The following HRNR variants were observed in gnomAD, a reference collection of about 807,000 sequenced individuals.
The protein encoded by HRNR is hornerin.
Under a neutral mutation model 4.8 loss-of-function variants are expected in HRNR, and 7 were observed. The ratio of observed to expected loss-of-function variants is 1.47; its 90% CI spans 0.83 to 2.75. The LOEUF (loss-of-function observed/expected upper bound fraction) is 2.75. Ranked by LOEUF, HRNR falls within the 30% of genes most tolerant of loss-of-function variation. The pLI, the probability that HRNR is intolerant of heterozygous loss-of-function variation, is 0.00. For synonymous variants in HRNR, 1,023 were observed against 1,242.7 expected (o/e 0.82, Z 3.72); for missense variants, 2,879 against 3,010.4 (o/e 0.96, Z 1.02).
rs769051112 is a variant in HRNR, at chr1:152,220,699, G to A, written c.930C>T (p.Val310=). The A allele has an allele frequency of 3.1e-6, 5 of 1,613,204 alleles. No individual in the cohort carries two copies. The Admixed American group carries it at 6.7e-5, about 22-fold the overall frequency. The change falls in exon 3 of 3, where the codon GTC becomes GTT. Residue 310 remains valine, a synonymous_variant. Transcript: ENST00000368801. ...AGTGCCCCGAACCGGACCCATGTCGGACGTGGCTAGGAGACTGGCGAGATC... is the reference window on the plus strand; with the variant it reads ...AGTGCCCCGAACCGGACCCATGTCGAACGTGGCTAGGAGACTGGCGAGATC... The part of the protein sequence containing the change: ...GSGSRQSPSH[V]RHGSGSGHSS...
chr1:152,213,019 G>C lies in HRNR; in HGVS notation c.*57C>G, dbSNP rs372421962. On this transcript the variant is annotated 3_prime_UTR_variant, in exon 3 of 3. Transcript: ENST00000368801. ...GCTTGTCTTTCATGATGAATTCATA[G>C]ATGACTTTCCTATTTCTTAAATTGC... 27 of 1,558,808 alleles carry C rather than the reference G, an allele frequency of 1.7e-5. No homozygotes were observed. Among genetic ancestry groups the C allele is most frequent in the African/African-American group, 6.8e-5 (5 of 73,190 alleles).
At position 152,219,587 on chromosome 1, in the gene HRNR, C is replaced by G. The variant is rs749984101; in HGVS notation, c.2042G>C (p.Gly681Ala). 1.8e-5 allele frequency: 29 copies of G among 1,612,914 alleles called. No individual in the cohort carries two copies. Among genetic ancestry groups the G allele is most frequent in the South Asian group, 2.2e-5 (2 of 90,950 alleles). Reference sequence around the variant, plus strand: ...GCCATTGCTTGAAGACCAACCGGAGCCAGACCCATGTTGGCCGTAGCTGGA... The same window carrying G: ...GCCATTGCTTGAAGACCAACCGGAGGCAGACCCATGTTGGCCGTAGCTGGA... ...HSSSYGQHGS[G>A]SGWSSSNGPH... Residue 681 changes from glycine (G) to alanine (A), a missense_variant, in exon 3 of 3, where the codon GGC (glycine) becomes GCC (alanine). Physicochemically the swap from Gly to Ala is moderately conservative, Grantham distance 60. Around this residue, in one of 8 missense-constraint regions of HRNR, gnomAD observed 2,646 missense variants for 1,377.7 expected, o/e 1.92. Transcript: ENST00000368801.
chr1:152,218,671 A>C lies in HRNR; in HGVS notation c.2958T>G (p.His986Gln). Residue 986 changes from histidine to glutamine, a missense_variant, in exon 3 of 3, where the codon CAT becomes CAG. Physicochemically the swap from His to Gln is conservative, Grantham distance 24. This residue lies in a region of HRNR where 2,646 missense variants were observed against 1,377.7 expected (regional missense o/e 1.92). Transcript: ENST00000368801. ...SSGSSSSYGQ[H>Q]GSGSRQSLGH... Reference sequence around the variant, plus strand: ...CCAAAGACTGACGGGAGCCAGACCCATGCTGACCATAGCTGGAAGACGAAC... The same window carrying C: ...CCAAAGACTGACGGGAGCCAGACCCCTGCTGACCATAGCTGGAAGACGAAC... The C allele has an allele frequency of 6.2e-7, 1 of 1,613,656 alleles. No individual in the cohort carries two copies. Among genetic ancestry groups the C allele is most frequent in the Non-Finnish European group, 8.5e-7 (1 of 1,179,940 alleles).
In HRNR at chr1:152,215,363, C is replaced by A. The variant is rs764194333; in HGVS notation, c.6266G>T (p.Gly2089Val). The change falls in exon 3 of 3, where the codon GGT becomes GTT. Residue 2089 changes from glycine (G) to valine (V), a missense_variant. Gly to Val is a moderately radical substitution (Grantham distance 109). Around this residue, in one of 8 missense-constraint regions of HRNR, gnomAD observed 11 missense variants for 47.5 expected, o/e 0.23. Transcript: ENST00000368801. ...PSYGRHGSGSGRSSSSGQHGP... is the reference protein window; with the variant it reads ...PSYGRHGSGSVRSSSSGQHGP... Reference sequence around the variant, plus strand: ...ATGTTGGCCACTGCTGGAAGACCGACCGGAGCCAGACCCATGTCGGCCATA... The same window carrying A: ...ATGTTGGCCACTGCTGGAAGACCGAACGGAGCCAGACCCATGTCGGCCATA... The A allele has an allele frequency of 3.2e-6, 5 of 1,579,022 alleles. No individual in the cohort carries two copies. Among genetic ancestry groups the A allele is most frequent in the Non-Finnish European group, 4.3e-6 (5 of 1,168,398 alleles).
intron 2 of HRNR, 46 bp from the exon 3 acceptor site, chr1:152,221,536 A>G (rs767021405): frequency 8.6e-6 from 12 of 1,388,216 alleles, no homozygotes; most frequent in South Asian, 1.4e-5. Flanking sequence ...AGTATGGACA[A>G]TACATCTGGC....
In HRNR at chr1:152,212,888, G is replaced by C; in HGVS notation, c.*188C>G. ...AACAAAGTAGCACAAATGCCTAACAGTCTTTGGAAGGAACCCCATAACAAG... is the reference window on the plus strand; with the variant it reads ...AACAAAGTAGCACAAATGCCTAACACTCTTTGGAAGGAACCCCATAACAAG... On this transcript the variant is annotated 3_prime_UTR_variant, in exon 3 of 3. Transcript: ENST00000368801. 1.3e-6 allele frequency: 1 copy of C among 751,634 alleles called. No homozygotes were observed. The highest frequency in any genetic ancestry group is 2.1e-6 in the Non-Finnish European group (1 of 476,928). The allele number at this position is 751,634 out of a possible 1,614,324, so 46.6% of individuals were successfully genotyped here. A position where few individuals can be genotyped will look rare whatever the true frequency, so the allele number is the denominator to read the frequency against.
Position 152,218,413 on chromosome 1 carries a change from A to G in HRNR, c.3216T>C (p.His1072=). 1.2e-6 allele frequency: 2 copies of G among 1,611,434 alleles called. No individual in the cohort carries two copies. Among genetic ancestry groups the G allele is most frequent in the South Asian group, 1.1e-5 (1 of 90,948 alleles). Residue 1072 remains histidine (H), a synonymous_variant, in exon 3 of 3, where the codon CAT becomes CAC. Transcript: ENST00000368801. ...GYGQHGSSSG[H]SSTHGQHGST... Reference sequence around the variant, plus strand: ...AACCGTGTTGCCCATGGGTAGAGGAATGACCTGAGCTAGATCCATGTTGAC... The same window carrying G: ...AACCGTGTTGCCCATGGGTAGAGGAGTGACCTGAGCTAGATCCATGTTGAC...
chr1:152,220,826 G>T lies in HRNR; in HGVS notation c.803C>A (p.Ser268Tyr), dbSNP rs755706849. ...GCTAGATCTGTGTCGTTCACCCCTA[G>T]ATGACTGTCCTGACCTAGAGCCGTG... ...GQHGSRSGQS[S>Y]RGERHRSSSG... The change falls in exon 3 of 3, where the codon TCT becomes TAT. Residue 268 changes from serine (S) to tyrosine (Y), a missense_variant. Ser to Tyr is a moderately radical substitution (Grantham distance 144). Around this residue, in one of 8 missense-constraint regions of HRNR, gnomAD observed 2,646 missense variants for 1,377.7 expected, o/e 1.92. Coordinates refer to ENST00000368801, the MANE Select transcript of HRNR (RefSeq NM_001009931.3). 1.2e-6 allele frequency: 2 copies of T among 1,613,728 alleles called. No individual in the cohort carries two copies. The highest frequency in any genetic ancestry group is 1.3e-5 in the African/African-American group (1 of 74,800).
rs1291397543 is a variant in HRNR at position 152,220,310 on chromosome 1, C to T, written c.1319G>A (p.Gly440Asp). ...GSGSGQSPSS[G>D]QHGTGFGRSS... The stretch of plus-strand genomic sequence containing the variant: ...TCGACCAAAGCCAGTCCCATGTTGG[C>T]CGGAGCTGGGAGACTGCCCTGACCC... Residue 440 changes from glycine (G) to aspartate (D), a missense_variant, in exon 3 of 3, where the codon GGC becomes GAC. Physicochemically the swap from Gly to Asp is moderately conservative, Grantham distance 94 (BLOSUM62 -1). Around this residue, in one of 8 missense-constraint regions of HRNR, gnomAD observed 2,646 missense variants for 1,377.7 expected, o/e 1.92. Transcript: ENST00000368801. 7 of 1,614,074 alleles carry T rather than the reference C, an allele frequency of 4.3e-6. No homozygotes were observed. The South Asian group carries it at 7.7e-5, about 18-fold the overall frequency.
rs1223818789 is a variant in HRNR at position 152,220,419 on chromosome 1, C to A, written c.1210G>T (p.Glu404Ter). 6.2e-7 allele frequency: 1 copy of A among 1,614,088 alleles called. No individual in the cohort carries two copies. The highest frequency in any genetic ancestry group is 1.1e-5 in the South Asian group (1 of 91,076). The change falls in exon 3 of 3, where the codon GAG becomes TAG. Residue 404 changes from glutamate (E) to a stop codon, truncating the protein, a stop_gained. Coordinates refer to ENST00000368801, the MANE Select transcript of HRNR (RefSeq NM_001009931.3). LOFTEE classifies it low-confidence loss of function (END_TRUNC). ...CCTGAAGAGTGACGGGAGGCAGACT[C>A]ATGCTGACCATAGCTGGAAGACTGA... Reference protein sequence around the residue: ...SRQSSSYGQHESASRHSSGRG... With the variant: ...SRQSSSYGQH
At position 152,219,031 on chromosome 1, in the gene HRNR, G is replaced by A; in HGVS notation, c.2598C>T (p.Ser866=). ...QHDSSSGQSS[S]YGQHESASHH... ...GGGAGGCAGACTCATGCTGACCATAGCTGGAAGATTGACCTGAGCTAGAGT... is the reference window on the plus strand; with the variant it reads ...GGGAGGCAGACTCATGCTGACCATAACTGGAAGATTGACCTGAGCTAGAGT... The change falls in exon 3 of 3, where the codon AGC becomes AGT. Residue 866 remains serine, a synonymous_variant. Transcript: ENST00000368801. 1.9e-6 allele frequency: 3 copies of A among 1,614,088 alleles called. No individual in the cohort carries two copies. Among genetic ancestry groups the A allele is most frequent in the Non-Finnish European group, 1.7e-6 (2 of 1,180,014 alleles).
In HRNR at chr1:152,219,297, G is replaced by T. The variant is rs372266640; in HGVS notation, c.2332C>A (p.Arg778Ser). Reference protein sequence around the residue: ...QGSGSGHSPSRVRHGSSSGHS... With the variant: ...QGSGSGHSPSSVRHGSSSGHS... ...CCTGAACTGGACCCATGTCGGACACGGCTAGGAGAGTGGCCAGATCCAGAC... is the reference window on the plus strand; with the variant it reads ...CCTGAACTGGACCCATGTCGGACACTGCTAGGAGAGTGGCCAGATCCAGAC... The change falls in exon 3 of 3, where the codon CGT becomes AGT. Residue 778 changes from arginine (R) to serine (S), a missense_variant. Coordinates refer to ENST00000368801, the MANE Select transcript of HRNR (RefSeq NM_001009931.3). 4 of 1,613,276 alleles carry T rather than the reference G, an allele frequency of 2.5e-6. No homozygotes were observed. In the African/African-American group the frequency reaches 4.0e-5, roughly 16 times the overall value.
In HRNR at chr1:152,222,109, G is replaced by T. The variant is rs1293213474; in HGVS notation, c.139-619C>A. Among the ~76,000 whole-genome samples the T allele has an allele frequency of 2.0e-5, 3 of 152,260 alleles. No homozygotes were observed. In the East Asian group the frequency reaches 5.8e-4, roughly 29 times the overall value. On this transcript the variant is annotated intron_variant, in intron 2 of 2. Coordinates refer to ENST00000368801, the MANE Select transcript of HRNR (RefSeq NM_001009931.3). ...CCTTTTGAAGGATGGATTAGGATTAGCCAAATGAAGAAGTAGGAAGAGAAA... is the reference window on the plus strand; with the variant it reads ...CCTTTTGAAGGATGGATTAGGATTATCCAAATGAAGAAGTAGGAAGAGAAA...
chr1:152,219,117 A>T lies in HRNR; in HGVS notation c.2512T>A (p.Phe838Ile). The T allele has an allele frequency of 6.2e-7, 1 of 1,613,688 alleles. No homozygotes were observed. The highest frequency in any genetic ancestry group is 1.1e-5 in the South Asian group (1 of 91,072). The change falls in exon 3 of 3, where the codon TTC becomes ATC. Residue 838 changes from phenylalanine to isoleucine, a missense_variant. Phe to Ile is a conservative substitution (Grantham distance 21). Coordinates refer to ENST00000368801, the MANE Select transcript of HRNR (RefSeq NM_001009931.3). ...GATCCATGTCGTCCCTGGCTAGAGA[A>T]GTGACCTGAGGCAGAACCATGCTGA... The part of the protein sequence containing the change: ...YSQHGSASGH[F>I]SSQGRHGSTS...
At chr1:152,221,578 A>T in intron 2 of HRNR, 88 bp from the exon 3 acceptor site, 2 of 1,035,840 alleles carry the variant, frequency 1.9e-6, no homozygotes, top group African/African-American at 1.6e-5. Flanking sequence ...TGAAAATGTA[A>T]ATGTTTGGGT....
Position 152,221,173 on chromosome 1 carries a change from A to T in HRNR, c.456T>A (p.Thr152=). The change falls in exon 3 of 3, where the codon ACT becomes ACA. Residue 152 remains threonine, a synonymous_variant. Transcript: ENST00000368801. ...RNVRGSLKPG[T]ESISRRLSFQ... ...AACTCAGTCTTCTGGATATGGATTCAGTCCCAGGTTTAAGACTTCCTCTGA... is the reference window on the plus strand; with the variant it reads ...AACTCAGTCTTCTGGATATGGATTCTGTCCCAGGTTTAAGACTTCCTCTGA... 6.2e-7 allele frequency: 1 copy of T among 1,614,240 alleles called. No homozygotes were observed. The highest frequency in any genetic ancestry group is 2.2e-5 in the East Asian group (1 of 44,886).
Position 152,220,212 on chromosome 1 carries a change from C to T in HRNR, c.1417G>A (p.Glu473Lys). 4 of 1,613,840 alleles carry T rather than the reference C, an allele frequency of 2.5e-6. No individual in the cohort carries two copies. The highest frequency in any genetic ancestry group is 2.5e-6 in the Non-Finnish European group (3 of 1,179,842). Residue 473 changes from glutamate (E) to lysine (K), a missense_variant, in exon 3 of 3, where the codon GAG (glutamate) becomes AAG (lysine). This residue lies in a region of HRNR where 2,646 missense variants were observed against 1,377.7 expected (regional missense o/e 1.92). Coordinates refer to ENST00000368801, the MANE Select transcript of HRNR (RefSeq NM_001009931.3). ...SGFGHHESSSEHSSGYTQHGS... is the reference protein window; with the variant it reads ...SGFGHHESSSKHSSGYTQHGS... ...TGCTGAGTGTAACCAGAGGAATGCT[C>T]TGAGCTAGACTCGTGGTGACCAAAG...
In HRNR at chr1:152,219,020, T is replaced by C. The variant is rs777549607; in HGVS notation, c.2609A>G (p.His870Arg). ...CGAAGCGTGATGGGAGGCAGACTCATGCTGACCATAGCTGGAAGATTGACC... is the reference window on the plus strand; with the variant it reads ...CGAAGCGTGATGGGAGGCAGACTCACGCTGACCATAGCTGGAAGATTGACC... Reference protein sequence around the residue: ...SSGQSSSYGQHESASHHASGR... With the variant: ...SSGQSSSYGQRESASHHASGR... The change falls in exon 3 of 3, where the codon CAT (histidine) becomes CGT (arginine). Residue 870 changes from histidine (H) to arginine (R), a missense_variant. Physicochemically the swap from His to Arg is conservative, Grantham distance 29 (BLOSUM62 0). Around this residue, in one of 8 missense-constraint regions of HRNR, gnomAD observed 2,646 missense variants for 1,377.7 expected, o/e 1.92. Transcript: ENST00000368801. 18 of 1,613,790 alleles carry C rather than the reference T, an allele frequency of 1.1e-5. No homozygotes were observed. In the East Asian group the frequency reaches 3.8e-4, roughly 34 times the overall value.
chr1:152,223,043 T>A, intron 2 of HRNR, 73 bp downstream of exon 2: 2 of 1,442,742 alleles, frequency 1.4e-6, no homozygotes, highest in Non-Finnish European at 1.9e-6. Context: ...ATGTTTGACA[T>A]ATGTGACAAG....
Sources: allele counts gnomAD v4.1 joint callset (sites outside exome capture counted in the v4.1 genomes callset), GRCh38; gene constraint gnomAD v4.1.1; regional missense constraint gnomAD v4.1.1; transcripts MANE v1.5; gene names NCBI Gene and HGNC (gene_info 2026-07-23, HGNC 2026-07-21).